Variants in SEMA3A observed in about 807,000 individuals in gnomAD.
The protein encoded by SEMA3A is semaphorin-3A.
SEMA3A carries 29 observed loss-of-function variants against 97.9 expected under a neutral mutation model. The ratio of observed to expected loss-of-function variants is 0.30; its 90% confidence interval spans 0.22 to 0.40. The LOEUF is 0.40. Ranked by LOEUF, SEMA3A falls within the 10% of genes least tolerant of loss-of-function variation. The pLI is 1.00. For synonymous variants in SEMA3A, 321 were observed against 323.7 expected (o/e 0.99, Z 0.09); for missense variants, 763 against 951.3 (o/e 0.80, Z 2.60).
At chr7:84,091,208 G>GA (rs1458326492) in intron 4 of SEMA3A, among the ~76,000 whole-genome samples, 39 of 69,304 alleles carry the variant, frequency 5.6e-4, no homozygotes, top group African/African-American at 1.8e-3. Context: ...AAGAAAGAAA[G>GA]AAAGAAAAGA....
intron 1 of SEMA3A, among the ~76,000 whole-genome samples, chr7:84,396,230 A>C (rs1803728022): frequency 6.6e-6 from 1 of 152,066 alleles, no homozygotes; most frequent in South Asian, 2.1e-4. Context: ...TGAATATAAT[A>C]TACAGAATAA....
intron 6 of SEMA3A, among the ~76,000 whole-genome samples, chr7:84,021,508 T>TC (rs1791328978): frequency 6.6e-6 from 1 of 152,220 alleles, no homozygotes; most frequent in African/African-American, 2.4e-5. Context: ...CTCTGTTTTT[T>TC]CCCTGCCTCC....
chr7:84,360,444 G>T (rs1054142515), intron 2 of SEMA3A, among the ~76,000 whole-genome samples: 2 of 152,020 alleles, frequency 1.3e-5, no homozygotes, highest in Non-Finnish European at 1.5e-5. Flanking sequence ...CCGTGTAGTT[G>T]AGCAGTTTTG....
intron 4 of SEMA3A, among the ~76,000 whole-genome samples, chr7:84,075,111 C>A (rs1793890498): frequency 6.6e-6 from 1 of 151,550 alleles, no homozygotes; most frequent in South Asian, 2.1e-4. Context: ...ACAACATTCC[C>A]AGAAAGTTTA....
chr7:84,138,885 A>C (rs1434539326), intron 1 of SEMA3A, among the ~76,000 whole-genome samples: 1 of 152,114 alleles, frequency 6.6e-6, no homozygotes, highest in African/African-American at 2.4e-5. Flanking sequence ...AATTTTATTC[A>C]ATAGATTAAA....
intron 4 of SEMA3A, among the ~76,000 whole-genome samples, chr7:84,064,336 C>T (rs967362161): frequency 6.6e-6 from 1 of 152,062 alleles, no homozygotes. Flanking sequence ...TAAACACCAT[C>T]AAGACTAGGA....
chr7:84,258,684 C>A (rs1287825273), intron 3 of SEMA3A, among the ~76,000 whole-genome samples: 3 of 152,138 alleles, frequency 2.0e-5, no homozygotes, highest in Non-Finnish European at 4.4e-5. Context: ...TTCACAGAAT[C>A]CTAGAAACAG....
At chr7:83,965,434 A>G (rs904794630) in intron 15 of SEMA3A, among the ~76,000 whole-genome samples, 2 of 151,250 alleles carry the variant, frequency 1.3e-5, no homozygotes, top group African/African-American at 4.9e-5. Flanking sequence ...GTAGAAATTT[A>G]TAACTGCAAC....
At chr7:84,011,322 A>G in intron 7 of SEMA3A, 25 bp from the exon 8 acceptor site, 2 of 1,355,566 alleles carry the variant, frequency 1.5e-6, no homozygotes, top group Non-Finnish European at 2.1e-6. Flanking sequence ...CACCAGTGTT[A>G]GGCACTGTTA....
intron 1 of SEMA3A, among the ~76,000 whole-genome samples, chr7:84,429,510 A>G (rs1804911846): frequency 9.1e-6 from 1 of 109,926 alleles, no homozygotes; most frequent in Admixed American, 1.1e-4. Context: ...TAAAATATAG[A>G]GTTTGTTATA....
intron 6 of SEMA3A, among the ~76,000 whole-genome samples, chr7:84,031,581 C>A (rs1363910374): frequency 6.6e-6 from 1 of 152,012 alleles, no homozygotes; most frequent in African/African-American, 2.4e-5. Flanking sequence ...CGCCTGTAAT[C>A]CCAGCACTTT....
intron 1 of SEMA3A, among the ~76,000 whole-genome samples, chr7:84,150,034 C>A (rs1484572034): frequency 6.6e-6 from 1 of 152,114 alleles, no homozygotes; most frequent in Non-Finnish European, 1.5e-5. Flanking sequence ...AAATGAGTAT[C>A]TTTGTCAATC....
intron 12 of SEMA3A, among the ~76,000 whole-genome samples, chr7:83,992,598 G>T (rs898305367): frequency 6.6e-6 from 1 of 151,942 alleles, no homozygotes; most frequent in African/African-American, 2.4e-5. Flanking sequence ...CTCAGGAGCA[G>T]GTTGTTCAGT....
At chr7:84,172,665 A>C (rs60314967) in intron 1 of SEMA3A, among the ~76,000 whole-genome samples, 17,349 of 151,856 alleles carry the variant, frequency 0.11, 1,357 homozygotes, top group African/African-American at 0.21. Context: ...TGACCTAGTG[A>C]TCTGCCTGCC....
At chr7:84,174,384 T>C (rs1016027794) in intron 1 of SEMA3A, among the ~76,000 whole-genome samples, 27 of 152,160 alleles carry the variant, frequency 1.8e-4, no homozygotes, top group Admixed American at 4.6e-4. Flanking sequence ...GGAAGGAACT[T>C]AGGGTTTAAA....
intron 1 of SEMA3A, among the ~76,000 whole-genome samples, chr7:84,487,805 A>G (rs192732249): frequency 1.3e-5 from 2 of 152,182 alleles, no homozygotes; most frequent in Non-Finnish European, 2.9e-5. Flanking sequence ...TTCTCTTTAA[A>G]AAAAACAAGA....
intron 3 of SEMA3A, among the ~76,000 whole-genome samples, chr7:84,203,514 A>ATTT: frequency 2.1e-5 from 1 of 46,940 alleles, no homozygotes; most frequent in African/African-American, 8.5e-5. Flanking sequence ...ATATATATAT[A>ATTT]TATATATATA....
upstream of SEMA3A, among the ~76,000 whole-genome samples, chr7:84,199,604 G>T (rs1259620524): frequency 6.6e-6 from 1 of 151,006 alleles, no homozygotes; most frequent in African/African-American, 2.4e-5. Context: ...ATTAGTATTT[G>T]AGAAAGGCTT....
intron 4 of SEMA3A, among the ~76,000 whole-genome samples, chr7:84,088,389 G>C (rs932334611): frequency 5.5e-4 from 83 of 152,118 alleles, no homozygotes; most frequent in African/African-American, 1.8e-3. Flanking sequence ...GAGAGGCAGA[G>C]GTTGCAGTGA....
Sources: allele counts gnomAD v4.1 joint callset (sites outside exome capture counted in the v4.1 genomes callset), GRCh38; gene constraint gnomAD v4.1.1; transcripts MANE v1.5; gene names NCBI Gene and HGNC (gene_info 2026-07-23, HGNC 2026-07-21).